MUC5AC: variants seen among roughly 807,000 people sequenced by gnomAD.
MUC5AC encodes the protein mucin 5AC, oligomeric mucus/gel-forming, also known as mucin-5AC.
MUC5AC carries 158 observed loss-of-function variants against 169.7 expected under a neutral mutation model. The ratio of observed to expected loss-of-function variants is 0.93; its 90% confidence interval spans 0.82 to 1.06. The LOEUF (loss-of-function observed/expected upper bound fraction) is 1.06. Ranked by LOEUF, MUC5AC falls within the 50% of genes least tolerant of loss-of-function variation. MUC5AC has a pLI of 0.00. For synonymous variants in MUC5AC, 1,975 were observed against 1,237.0 expected, an observed-to-expected ratio of 1.60 and a Z score of -12.52; for missense variants, 4,359 against 3,089.9, an observed-to-expected ratio of 1.41 and a Z score of -9.74.
At position 1,184,770 on chromosome 11, in the gene MUC5AC, G is replaced by T. The variant is rs1164492579; in HGVS notation, c.6625G>T (p.Val2209Leu). 1.2e-5 allele frequency: 8 copies of T among 649,746 alleles called. No homozygotes were observed. The highest frequency in any genetic ancestry group is 2.2e-5 in the Non-Finnish European group (8 of 361,532). 40.2% of individuals were successfully genotyped at this position (649,746 alleles called of 1,614,324 possible). The stretch of plus-strand genomic sequence containing the variant: ...CTTCAAGATGTGCCTCAACTACGAG[G>T]TGCGTGTGCTCTGCTGCGAGACCCC... ...GPFKMCLNYE[V>L]RVLCCETPKG... is the part of the protein sequence containing the mutation. Residue 2209 changes from valine to leucine, a missense_variant, in exon 31 of 49, where the codon GTG becomes TTG. Physicochemically the swap from Val to Leu is conservative, Grantham distance 32. Transcript: ENST00000621226.
chr11:1,168,785 AGGGCT>A lies in MUC5AC; in HGVS notation c.1705+8_1705+12del. 6.3e-7 allele frequency: 1 copy of A among 1,593,456 alleles called. No individual in the cohort carries two copies. The highest frequency in any genetic ancestry group is 8.6e-7 in the Non-Finnish European group (1 of 1,165,868). ...GCTCCGTGGGCAGACCTGCGGTAAG[AGGGCT>A]GCCTTCTGGGCTTGGAGCCCACCCA... is the stretch of plus-strand genomic sequence containing the variant. On this transcript the variant is annotated splice_region_variant and intron_variant, in intron 14 of 48. Coordinates refer to ENST00000621226, the MANE Select transcript of MUC5AC (RefSeq NM_001304359.2).
rs113511365 is a variant in MUC5AC, at chr11:1,191,890, C to A, written c.13745C>A (p.Thr4582Lys). The change falls in exon 31 of 49, where the codon ACA becomes AAA. Residue 4582 changes from threonine (T) to lysine (K), a missense_variant. Physicochemically the swap from Thr to Lys is moderately conservative, Grantham distance 78. Coordinates refer to ENST00000621226, the MANE Select transcript of MUC5AC (RefSeq NM_001304359.2). Reference protein sequence around the residue: ...VPTTSTTSAPTTSTTSGPGTT... With the variant: ...VPTTSTTSAPKTSTTSGPGTT... ...ACCACCAGCACAACCTCTGCTCCTA[C>A]AACCAGCACGACCTCTGGTCCTGGA... The A allele has an allele frequency of 2.6e-6, 2 of 761,796 alleles. No homozygotes were observed. The highest frequency in any genetic ancestry group is 4.8e-6 in the Non-Finnish European group (2 of 416,974). 47.2% of individuals were successfully genotyped at this position (761,796 alleles called of 1,614,324 possible).
chr11:1,193,667 G>A lies in MUC5AC; in HGVS notation c.14755+8G>A, dbSNP rs770091368. 2 of 763,954 alleles carry A rather than the reference G, an allele frequency of 2.6e-6. No individual in the cohort carries two copies. The highest frequency in any genetic ancestry group is 1.7e-5 in the Admixed American group (1 of 59,002). 47.3% of individuals were successfully genotyped at this position (763,954 alleles called of 1,614,324 possible). ...ATCACTACCAGTGCCAGTGTGAGTG[G>A]AGCGCCGAGCGGGACCCAGGGCAGC... On this transcript the variant is annotated splice_region_variant and intron_variant, in intron 33 of 48. Transcript: ENST00000621226.
chr11:1,196,623 G>A lies in MUC5AC; in HGVS notation c.15732G>A (p.Leu5244=), dbSNP rs753509542. The A allele has an allele frequency of 5.3e-6, 4 of 761,560 alleles. No individual in the cohort carries two copies. The highest frequency in any genetic ancestry group is 4.9e-5 in the East Asian group (2 of 41,024). 47.2% of individuals were successfully genotyped at this position (761,560 alleles called of 1,614,324 possible). The change falls in exon 39 of 49, where the codon CTG becomes CTA. Residue 5244 remains leucine (L), a synonymous_variant. Coordinates refer to ENST00000621226, the MANE Select transcript of MUC5AC (RefSeq NM_001304359.2). ...YGNDSASLGA[L]PEAGPITEGC... Reference sequence around the variant, plus strand: ...AACCCTATGCTCTCTACAGGGCTCTGCCGGAGGCCGGCCCCATCACCGAAG... The same window carrying A: ...AACCCTATGCTCTCTACAGGGCTCTACCGGAGGCCGGCCCCATCACCGAAG...
intron 20 of MUC5AC, 99 bp downstream of exon 20, chr11:1,176,350 T>C (rs1860687680): frequency 2.5e-6 from 1 of 398,580 alleles, no homozygotes; most frequent in South Asian, 1.3e-4. Context: ...CTCTGACACA[T>C]TAGGCCATGG....
Position 1,171,434 on chromosome 11 carries a change from TACTC to T in MUC5AC, c.1871-992_1871-989del, listed in dbSNP as rs1171258236. ...ACTCACCTCACTCACTCACTCAACT[TACTC>T]ACCCACTCACCCATTCACCCATTCA... is the stretch of plus-strand genomic sequence containing the variant. On this transcript the variant is annotated intron_variant, in intron 15 of 48. Coordinates refer to ENST00000621226, the MANE Select transcript of MUC5AC (RefSeq NM_001304359.2). Among the ~76,000 whole-genome samples, 9 of 67,050 alleles carry T rather than the reference TACTC, an allele frequency of 1.3e-4. No homozygotes were observed. The East Asian group carries it at 2.2e-3, about 16-fold the overall frequency. The allele number at this position is 67,050 out of a possible 152,430, so 44.0% of individuals were successfully genotyped here. A position where few individuals can be genotyped will look rare whatever the true frequency, so the allele number is the denominator to read the frequency against.
Position 1,164,316 on chromosome 11 carries a change from T to A in MUC5AC, c.1000T>A (p.Cys334Ser). ...LPQDWRGPDF[C>S]PQKCPNNMQY... The stretch of plus-strand genomic sequence containing the variant: ...CCAGGACTGGCGGGGCCCTGACTTC[T>A]GCCGTGAGTGTCCCAGCCCCCTGTC... The change falls in exon 8 of 49, where the codon TGC becomes AGC. Residue 334 changes from cysteine to serine, a missense_variant. Physicochemically the swap from Cys to Ser is moderately radical, Grantham distance 112. Transcript: ENST00000621226. The A allele has an allele frequency of 6.2e-7, 1 of 1,612,070 alleles. No homozygotes were observed.
Position 1,160,541 on chromosome 11 carries a change from C to T in MUC5AC, c.74-71C>T. 6.7e-6 allele frequency: 9 copies of T among 1,341,858 alleles called. No individual in the cohort carries two copies. In the South Asian group the frequency reaches 9.9e-5, roughly 15 times the overall value. The allele number at this position is 1,341,858 out of a possible 1,614,324, so 83.1% of individuals were successfully genotyped here. ...TCCCGTCCCTCTGGTGTCCATGCTG[C>T]ATCTGTGGCCGCAGCCTGAGCCCCC... On this transcript the variant is annotated intron_variant, in intron 1 of 48. Transcript: ENST00000621226.
chr11:1,197,741 A>G, intron 41 of MUC5AC, 102 bp downstream of exon 41: 1 of 629,006 alleles, frequency 1.6e-6, no homozygotes, highest in Non-Finnish European at 2.9e-6. Context: ...ACCTGGGGAC[A>G]GTGCCTACGA....
In MUC5AC at chr11:1,165,605, C is replaced by T. The variant is rs1860299827; in HGVS notation, c.1248-17C>T. 1.2e-6 allele frequency: 2 copies of T among 1,611,188 alleles called. No individual in the cohort carries two copies. The highest frequency in any genetic ancestry group is 1.7e-6 in the Non-Finnish European group (2 of 1,179,588). ...TCCTGGGGCCGGCACCCACGTGGCACCATCTCTTGCTCTCAGCACCTGCTC... is the reference window on the plus strand; with the variant it reads ...TCCTGGGGCCGGCACCCACGTGGCATCATCTCTTGCTCTCAGCACCTGCTC... On this transcript the variant is annotated splice_polypyrimidine_tract_variant and intron_variant, in intron 10 of 48. Transcript: ENST00000621226.
chr11:1,185,126 C>G lies in MUC5AC; in HGVS notation c.6981C>G (p.Ala2327=). 1 of 700,626 alleles carries G rather than the reference C, an allele frequency of 1.4e-6. No individual in the cohort carries two copies. Among genetic ancestry groups the G allele is most frequent in the Non-Finnish European group, 2.6e-6 (1 of 387,632 alleles). 43.4% of individuals were successfully genotyped at this position (700,626 alleles called of 1,614,324 possible). A position where few individuals can be genotyped will look rare whatever the true frequency, so the allele number is the denominator to read the frequency against. The stretch of plus-strand genomic sequence containing the variant: ...CTCCTACAACTAGCATAACCTCTGC[C>G]CCTACAACCAGCACAACCTCTGCCC... ...ISAPTTSITS[A]PTTSTTSAPT... The change falls in exon 31 of 49, where the codon GCC becomes GCG. Residue 2327 remains alanine (A), a synonymous_variant. Transcript: ENST00000621226.
rs1339216452 is a variant in MUC5AC, at chr11:1,182,910, G to A, written c.4765G>A (p.Asp1589Asn). ...GCTTTGCACCTGGACCGAGTGGATC[G>A]ATGGCAGCTACCCTGCTCCTGGAAT... ...QELCTWTEWI[D>N]GSYPAPGING... The change falls in exon 31 of 49, where the codon GAT (aspartate) becomes AAT (asparagine). Residue 1589 changes from aspartate (D) to asparagine (N), a missense_variant. Physicochemically the swap from Asp to Asn is conservative, Grantham distance 23. Coordinates refer to ENST00000621226, the MANE Select transcript of MUC5AC (RefSeq NM_001304359.2). The A allele has an allele frequency of 1.0e-5, 4 of 398,690 alleles. No individual in the cohort carries two copies. Among genetic ancestry groups the A allele is most frequent in the Non-Finnish European group, 1.8e-5 (4 of 226,236 alleles). 24.7% of individuals were successfully genotyped at this position (398,690 alleles called of 1,614,324 possible). A position where few individuals can be genotyped will look rare whatever the true frequency, so the allele number is the denominator to read the frequency against.
chr11:1,186,582 A>G lies in MUC5AC; in HGVS notation c.8437A>G (p.Thr2813Ala). The G allele has an allele frequency of 1.4e-6, 1 of 707,496 alleles. No homozygotes were observed. Among genetic ancestry groups the G allele is most frequent in the Non-Finnish European group, 2.6e-6 (1 of 387,916 alleles). The allele number at this position is 707,496 out of a possible 1,614,324, so 43.8% of individuals were successfully genotyped here. The change falls in exon 31 of 49, where the codon ACT becomes GCT. Residue 2813 changes from threonine (T) to alanine (A), a missense_variant. Thr to Ala is a moderately conservative substitution (Grantham distance 58). Transcript: ENST00000621226. ...AACTTCTGCCCCTATAAGCAGCACA[A>G]CTTCCACACCACAGACCAGCACAAC... ...STTSAPISST[T>A]STPQTSTTSA...
At position 1,182,219 on chromosome 11, in the gene MUC5AC, C is replaced by T. The variant is rs912979311; in HGVS notation, c.4074C>T (p.Ser1358=). The T allele has an allele frequency of 2.3e-5, 9 of 398,572 alleles. No individual in the cohort carries two copies. The highest frequency in any genetic ancestry group is 8.2e-5 in the African/African-American group (4 of 48,642). 24.7% of individuals were successfully genotyped at this position (398,572 alleles called of 1,614,324 possible). Residue 1358 remains serine (S), a synonymous_variant, in exon 31 of 49, where the codon AGC becomes AGT. Coordinates refer to ENST00000621226, the MANE Select transcript of MUC5AC (RefSeq NM_001304359.2). Reference sequence around the variant, plus strand: ...GCGCGCACACAGGCCCTCCGAGCAGCGCCTGGCCCACCACAGCAGGCACTT... The same window carrying T: ...GCGCGCACACAGGCCCTCCGAGCAGTGCCTGGCCCACCACAGCAGGCACTT... ...PSSAHTGPPS[S]AWPTTAGTSP...
chr11:1,194,973 C>A, intron 35 of MUC5AC, 39 bp from the exon 36 acceptor site: 1 of 686,188 alleles, frequency 1.5e-6, no homozygotes, highest in Non-Finnish European at 2.7e-6. Flanking sequence ...CCAGCCGGCT[C>A]TGCTGTCCAG....
At chr11:1,180,229 G>T (rs1465658231) in intron 27 of MUC5AC, 79 bp downstream of exon 27, 4 of 398,398 alleles carry the variant, frequency 1.0e-5, no homozygotes, top group Non-Finnish European at 1.8e-5. Flanking sequence ...AGCCTCTGTG[G>T]CCCCAGCTTC....
Position 1,184,957 on chromosome 11 carries a change from C to T in MUC5AC, c.6812C>T (p.Ala2271Val), listed in dbSNP as rs1430528748. 3.0e-6 allele frequency: 2 copies of T among 662,400 alleles called. No homozygotes were observed. The highest frequency in any genetic ancestry group is 5.5e-6 in the Non-Finnish European group (2 of 366,884). 41.0% of individuals were successfully genotyped at this position (662,400 alleles called of 1,614,324 possible). A position where few individuals can be genotyped will look rare whatever the true frequency, so the allele number is the denominator to read the frequency against. ...ACTCCACAGACCAGTACAACCTATG[C>T]CCATACAACCAGCACAACCTCTGCT... The part of the protein sequence containing the change: ...TSTPQTSTTY[A>V]HTTSTTSAPT... Residue 2271 changes from alanine to valine, a missense_variant, in exon 31 of 49, where the codon GCC (alanine) becomes GTC (valine). Physicochemically the swap from Ala to Val is moderately conservative, Grantham distance 64. Coordinates refer to ENST00000621226, the MANE Select transcript of MUC5AC (RefSeq NM_001304359.2).
chr11:1,176,031 C>G, intron 19 of MUC5AC, 120 bp from the exon 20 acceptor site: 1 of 398,058 alleles, frequency 2.5e-6, no homozygotes, highest in Non-Finnish European at 4.4e-6. Context: ...CTCACACCCA[C>G]TCATGCACAC....
chr11:1,195,310 A>G, intron 36 of MUC5AC, 31 bp downstream of exon 36: 1 of 749,266 alleles, frequency 1.3e-6, no homozygotes, highest in Non-Finnish European at 2.5e-6. Flanking sequence ...AGGGAGGGTC[A>G]GTGTGGCCGC....
Sources: gnomAD v4.1 joint callset for allele counts (sites outside exome capture counted in the v4.1 genomes callset) on GRCh38, gnomAD v4.1.1 for gene constraint, MANE v1.5 for transcripts, NCBI Gene and HGNC (gene_info 2026-07-23, HGNC 2026-07-21) for gene names.